MAGI1: variants seen among roughly 807,000 people sequenced by gnomAD.
MAGI1 encodes membrane-associated guanylate kinase, WW and PDZ domain-containing protein 1.
A neutral mutation model predicts 139.9 loss-of-function variants in MAGI1; 58 were observed. The observed-to-expected ratio is 0.41, with a 90% confidence interval of 0.34 to 0.52. The LOEUF (loss-of-function observed/expected upper bound fraction) is 0.52, where lower values mean the gene tolerates loss of function less well. MAGI1 is among the 20% of genes least tolerant of loss of function. The pLI is 0.12. For synonymous variants in MAGI1, 812 were observed against 737.9 expected (o/e 1.10, Z -1.63); for missense variants, 1,874 against 1,901.6 (o/e 0.99, Z 0.27).
intron 4 of MAGI1, among the ~76,000 whole-genome samples, chr3:65,477,374 C>A (rs1264101053): frequency 6.6e-6 from 1 of 152,284 alleles, no homozygotes; most frequent in Middle Eastern, 3.4e-3. Flanking sequence ...TCTCCACCTT[C>A]ATTGGAGCTG....
At chr3:65,404,390 C>T (rs968426438) in intron 12 of MAGI1, among the ~76,000 whole-genome samples, 5 of 152,106 alleles carry the variant, frequency 3.3e-5, no homozygotes, top group Non-Finnish European at 7.4e-5. Flanking sequence ...CACAACAAAC[C>T]GTATATTACA....
At chr3:65,908,342 C>T (rs1322942106) in intron 1 of MAGI1, among the ~76,000 whole-genome samples, 3 of 151,954 alleles carry the variant, frequency 2.0e-5, no homozygotes, top group Admixed American at 6.6e-5. Flanking sequence ...CTTACACTGT[C>T]ACCCAGGCTG....
At chr3:65,435,600 CAAAA>C (rs902642898) in intron 10 of MAGI1, among the ~76,000 whole-genome samples, 4 of 151,858 alleles carry the variant, frequency 2.6e-5, no homozygotes, top group African/African-American at 9.7e-5. Flanking sequence ...AGTGAAAAAA[CAAAA>C]AACAGAGAAT....
chr3:65,841,349 T>C (rs1043792117), intron 1 of MAGI1, among the ~76,000 whole-genome samples: 1 of 152,102 alleles, frequency 6.6e-6, no homozygotes, highest in Non-Finnish European at 1.5e-5. Flanking sequence ...TTCTAGTTTC[T>C]TGATGTAGGG....
At chr3:65,473,215 G>A (rs190877467) in intron 4 of MAGI1, among the ~76,000 whole-genome samples, 51 of 152,186 alleles carry the variant, frequency 3.4e-4, no homozygotes, top group African/African-American at 1.1e-3. Context: ...CCCCCAGCCT[G>A]CAAATACATT....
chr3:65,809,637 G>T (rs986150687), intron 1 of MAGI1, among the ~76,000 whole-genome samples: 1 of 152,132 alleles, frequency 6.6e-6, no homozygotes, highest in African/African-American at 2.4e-5. Flanking sequence ...AAGATGGGAC[G>T]CTCTCATTTA....
At chr3:65,565,205 T>C (rs2080557726) in intron 2 of MAGI1, among the ~76,000 whole-genome samples, 1 of 152,214 alleles carries the variant, frequency 6.6e-6, no homozygotes, top group Admixed American at 6.5e-5. Flanking sequence ...AGACATCTTT[T>C]TCCATTCCCT....
At chr3:65,721,535 A>C (rs1002215895) in intron 1 of MAGI1, among the ~76,000 whole-genome samples, 1 of 152,218 alleles carries the variant, frequency 6.6e-6, no homozygotes, top group African/African-American at 2.4e-5. Context: ...ATGTAGGCTT[A>C]AGGGATTTAG....
At chr3:65,464,308 G>C (rs111509232) in intron 5 of MAGI1, among the ~76,000 whole-genome samples, 2 of 151,668 alleles carry the variant, frequency 1.3e-5, no homozygotes, top group African/African-American at 4.8e-5. Flanking sequence ...CTCTTCCCAG[G>C]TTCTTGCACT....
chr3:65,821,270 T>C (rs1459535142), intron 1 of MAGI1, among the ~76,000 whole-genome samples: 1 of 152,204 alleles, frequency 6.6e-6, no homozygotes, highest in African/African-American at 2.4e-5. Context: ...AGACCTTCTC[T>C]GGACTCCCCA....
chr3:65,363,016 GCCTAAGGTAAGA>G (rs1287039853), intron 21 of MAGI1, among the ~76,000 whole-genome samples: 1 of 152,128 alleles, frequency 6.6e-6, no homozygotes, highest in Non-Finnish European at 1.5e-5. Flanking sequence ...CTGTCTCTGA[GCCTAAGGTAAGA>G]CCACTGGTAA....
intron 1 of MAGI1, among the ~76,000 whole-genome samples, chr3:66,002,698 T>G (rs986761592): frequency 6.6e-6 from 1 of 152,046 alleles, no homozygotes; most frequent in Non-Finnish European, 1.5e-5. Context: ...GTATTTTTGG[T>G]AGAGACAGGG....
chr3:65,568,690 T>C (rs2080798145), intron 2 of MAGI1, among the ~76,000 whole-genome samples: 2 of 152,206 alleles, frequency 1.3e-5, no homozygotes, highest in Non-Finnish European at 2.9e-5. Context: ...GGAGAAGGAT[T>C]GCTGCCAAGT....
At chr3:65,524,308 T>C (rs1457200118) in intron 2 of MAGI1, among the ~76,000 whole-genome samples, 1 of 152,140 alleles carries the variant, frequency 6.6e-6, no homozygotes, top group African/African-American at 2.4e-5. Flanking sequence ...AGAAAAACAA[T>C]TGCCATAGGT....
intron 1 of MAGI1, among the ~76,000 whole-genome samples, chr3:65,921,732 A>C (rs2062199148): frequency 6.6e-6 from 1 of 152,050 alleles, no homozygotes; most frequent in Non-Finnish European, 1.5e-5. Context: ...AAATCAATCA[A>C]AGGAGAATCA....
At chr3:65,550,755 C>T (rs1410497741) in intron 2 of MAGI1, among the ~76,000 whole-genome samples, 1 of 151,368 alleles carries the variant, frequency 6.6e-6, no homozygotes. Flanking sequence ...ACTTGAGCCC[C>T]GAAGTTTGTG....
intron 2 of MAGI1, among the ~76,000 whole-genome samples, chr3:65,574,316 TA>T (rs2081086875): frequency 6.6e-6 from 1 of 151,126 alleles, no homozygotes; most frequent in Admixed American, 6.6e-5. Context: ...ATCACCTGGG[TA>T]ATAAGTACAG....
rs2036983416 is a variant in MAGI1 at position 65,761,051 on chromosome 3, G to C, written c.314-138963C>G. ...GACAGAATCAGAGATCCCAAACACTGAAGTTACGCAGATATCTGAGGATGA... is the reference window on the plus strand; with the variant it reads ...GACAGAATCAGAGATCCCAAACACTCAAGTTACGCAGATATCTGAGGATGA... On this transcript the variant is annotated intron_variant, in intron 1 of 22. Transcript: ENST00000402939. Among the ~76,000 whole-genome samples the C allele has an allele frequency of 3.3e-5, 5 of 152,152 alleles. No homozygotes were observed. The South Asian group carries it at 1.0e-3, about 32-fold the overall frequency.
At chr3:65,816,212 G>C (rs1365640573) in intron 1 of MAGI1, among the ~76,000 whole-genome samples, 3 of 151,504 alleles carry the variant, frequency 2.0e-5, no homozygotes. Context: ...ATTTGGAGTA[G>C]AACTTAAACG....
Sources: allele counts gnomAD v4.1 joint callset (sites outside exome capture counted in the v4.1 genomes callset), GRCh38; gene constraint gnomAD v4.1.1; transcripts MANE v1.5; gene names NCBI Gene and HGNC (gene_info 2026-07-23, HGNC 2026-07-21).